Variants in PPP6R2 observed in about 807,000 individuals in gnomAD.
PPP6R2 encodes protein phosphatase 6 regulatory subunit 2, also known as serine/threonine-protein phosphatase 6 regulatory subunit 2.
In PPP6R2, 62 loss-of-function variants were observed where a neutral mutation model predicts 100.2. That is an observed-to-expected ratio of 0.62 (90% CI 0.50 to 0.76). The LOEUF (loss-of-function observed/expected upper bound fraction) is 0.76, where lower values mean the gene tolerates loss of function less well. PPP6R2 is among the 30% of genes least tolerant of loss of function. The probability of loss-of-function intolerance (pLI) is 0.00; values close to 1 mark genes in which losing one functional copy is unlikely to be tolerated. For missense variants in PPP6R2, 1,142 were observed against 1,276.3 expected, an observed-to-expected ratio of 0.89 and a Z score of 1.60; for synonymous variants, 525 against 514.7, an observed-to-expected ratio of 1.02 and a Z score of -0.27.
intron 1 of PPP6R2, among the ~76,000 whole-genome samples, chr22:50,366,245 C>T (rs1451729950): frequency 2.0e-5 from 3 of 151,716 alleles, no homozygotes; most frequent in African/African-American, 7.3e-5. Flanking sequence ...TTGTGAATTA[C>T]AAGGTTTTCC....
rs761016476 is a variant in PPP6R2, at chr22:50,439,985, C to G, written c.2310C>G (p.Ser770Arg). The G allele has an allele frequency of 6.2e-7, 1 of 1,613,610 alleles. No homozygotes were observed. The highest frequency in any genetic ancestry group is 8.5e-7 in the Non-Finnish European group (1 of 1,179,952). The change falls in exon 21 of 24, where the codon AGC becomes AGG. Residue 770 changes from serine (S) to arginine (R), a missense_variant. Ser to Arg is a moderately radical substitution (Grantham distance 110). Transcript: ENST00000612753. ...FCCSESGPRC[S>R]SPVDTECSHA... ...GCTCCGAGTCAGGGCCCAGGTGCAGCTCTCCGGTGGACACAGAATGCAGCC... is the reference window on the plus strand; with the variant it reads ...GCTCCGAGTCAGGGCCCAGGTGCAGGTCTCCGGTGGACACAGAATGCAGCC...
chr22:50,412,177 C>CA (rs1184447968), intron 4 of PPP6R2, among the ~76,000 whole-genome samples: 2 of 151,270 alleles, frequency 1.3e-5, no homozygotes, highest in South Asian at 2.1e-4. Context: ...ATTATGGGCT[C>CA]AAAAAAAATA....
In PPP6R2 at chr22:50,438,391, G is replaced by T. The variant is rs973664995; in HGVS notation, c.1964+93G>T. The T allele has an allele frequency of 1.8e-4, 280 of 1,540,796 alleles. 1 individual carries two copies. The highest frequency in any genetic ancestry group is 2.4e-4 in the Non-Finnish European group (269 of 1,143,966). On this transcript the variant is annotated intron_variant, in intron 18 of 23. Transcript: ENST00000612753. ...CGCCCTGTGGTTCGTTAGCTGGCTTGCAGAGCAGCCACACCTGTCCTGCCA... is the reference window on the plus strand; with the variant it reads ...CGCCCTGTGGTTCGTTAGCTGGCTTTCAGAGCAGCCACACCTGTCCTGCCA...
intron 2 of PPP6R2, among the ~76,000 whole-genome samples, chr22:50,377,369 C>A (rs527892306): frequency 6.6e-6 from 1 of 152,170 alleles, no homozygotes; most frequent in East Asian, 1.9e-4. Flanking sequence ...GTGGGAAGAT[C>A]ACTCGAGCCC....
intron 2 of PPP6R2, among the ~76,000 whole-genome samples, chr22:50,376,380 AG>A (rs1187953743): frequency 6.6e-6 from 1 of 152,134 alleles, no homozygotes; most frequent in Non-Finnish European, 1.5e-5. Context: ...CAAAGACTTC[AG>A]GTATTGGAAT....
Position 50,444,099 on chromosome 22 carries a change from G to A in PPP6R2, c.2813G>A (p.Gly938Glu), listed in dbSNP as rs1353453935. The change falls in exon 23 of 24, where the codon GGG (glycine) becomes GAG (glutamate). Residue 938 changes from glycine (G) to glutamate (E), a missense_variant. By Grantham distance (98) the Gly-to-Glu change is moderately conservative. Around this residue, in one of 2 missense-constraint regions of PPP6R2, gnomAD observed 550 missense variants for 517.4 expected, o/e 1.06. Transcript: ENST00000612753. ...TAAPAMVATL[G>E]TVTKDGKTDA... ...GCCCCAGCCATGGTGGCCACCCTGG[G>A]GACAGTGACAAAGGACGGGTGAGCA... 7 of 1,612,674 alleles carry A rather than the reference G, an allele frequency of 4.3e-6. No individual in the cohort carries two copies. Among genetic ancestry groups the A allele is most frequent in the Non-Finnish European group, 5.9e-6 (7 of 1,179,194 alleles).
Position 50,363,686 on chromosome 22 carries a change from C to G in PPP6R2, c.-147-8334C>G, listed in dbSNP as rs552340184. ...TCTCTCCTGCTTCTGCTCTTACGGA[C>G]GGACCTGGAGTCCTACTAGAGCTGG... is the stretch of plus-strand genomic sequence containing the variant. On this transcript the variant is annotated intron_variant, in intron 1 of 23. Transcript: ENST00000612753. 4.6e-5 allele frequency among the ~76,000 whole-genome samples: 7 copies of G among 152,328 alleles called. No homozygotes were observed. The South Asian group carries it at 6.2e-4, about 14-fold the overall frequency.
intron 10 of PPP6R2, among the ~76,000 whole-genome samples, chr22:50,425,782 T>C (rs1393200600): frequency 6.6e-6 from 1 of 152,198 alleles, no homozygotes; most frequent in Non-Finnish European, 1.5e-5. Context: ...TGACAAGTGA[T>C]GTCGAGCATC....
rs1230614127 is a variant in PPP6R2, at chr22:50,423,624, C to T, written c.1125+10C>T. The T allele has an allele frequency of 1.2e-6, 2 of 1,613,930 alleles. No individual in the cohort carries two copies. Among genetic ancestry groups the T allele is most frequent in the Non-Finnish European group, 1.7e-6 (2 of 1,179,964 alleles). On this transcript the variant is annotated intron_variant, in intron 10 of 23. Transcript: ENST00000612753. This position sits in a 1 kb window ranked among gnomAD's most constrained non-coding sequence, Gnocchi z 4.8. ...GATGGACTTACTGCTGGTAAGTGGG[C>T]CCCTCAGCCAGCCCTGCATGTCTGT...
intron 22 of PPP6R2, among the ~76,000 whole-genome samples, chr22:50,441,669 CAA>C (rs35273976): frequency 0.29 from 44,514 of 151,956 alleles, 7,311 homozygotes; most frequent in East Asian, 0.66. Context: ...CTTGAGCCCC[CAA>C]GAGCCATCCC....
At chr22:50,340,221 T>A (rs890936884), upstream of PPP6R2, among the ~76,000 whole-genome samples, 1 of 80,872 alleles carries the variant, frequency 1.2e-5, no homozygotes, top group Non-Finnish European at 2.8e-5. Flanking sequence ...TGGTATGTGG[T>A]GTGTATGGTA....
At chr22:50,338,480 T>TGG (rs1405354526), upstream of PPP6R2, among the ~76,000 whole-genome samples, 1 of 107,348 alleles carries the variant, frequency 9.3e-6, no homozygotes. Flanking sequence ...TATGTGTGTG[T>TGG]TATGTAGTGT....
At chr22:50,380,265 G>A (rs2052572372) in intron 2 of PPP6R2, among the ~76,000 whole-genome samples, 1 of 151,720 alleles carries the variant, frequency 6.6e-6, no homozygotes, top group African/African-American at 2.4e-5. Context: ...TAGAGATGGG[G>A]TTTTACCGTG....
At chr22:50,333,315 A>G in the PPP6R2 span, among the ~76,000 whole-genome samples, 1 of 151,432 alleles carries the variant, frequency 6.6e-6, no homozygotes, top group Non-Finnish European at 1.5e-5. Context: ...CACGTAGTGT[A>G]AGTCCTCCAG....
At chr22:50,397,604 T>G (rs1235065444) in intron 3 of PPP6R2, among the ~76,000 whole-genome samples, 22 of 131,370 alleles carry the variant, frequency 1.7e-4, no homozygotes, top group Admixed American at 3.6e-4. Context: ...GGAGTGTGAC[T>G]TGGGATGGGG....
rs146207636 is a variant in PPP6R2 at position 50,443,894 on chromosome 22, A to C, written c.2608A>C (p.Ser870Arg). 1.6e-4 allele frequency: 256 copies of C among 1,587,766 alleles called. 1 individual carries two copies. The African/African-American group carries it at 2.7e-3, about 16-fold the overall frequency. ...RVGCADSRLL[S>R]PACPAPKEVT... ...CGGGTGTGCTGACAGCCGGCTGTTA[A>C]GCCCTGCCTGCCCCGCGCCAAAGGA... The change falls in exon 23 of 24, where the codon AGC becomes CGC. Residue 870 changes from serine (S) to arginine (R), a missense_variant. This residue lies in a region of PPP6R2 where 550 missense variants were observed against 517.4 expected (regional missense o/e 1.06). Transcript: ENST00000612753.
chr22:50,360,558 C>G (rs1386870945), intron 1 of PPP6R2, among the ~76,000 whole-genome samples: 1 of 152,116 alleles, frequency 6.6e-6, no homozygotes, highest in Non-Finnish European at 1.5e-5. Flanking sequence ...GAGATGGGGT[C>G]TCTCTGTGTT....
rs13057311 is a variant in PPP6R2, at chr22:50,439,767, G to A, written c.2195G>A (p.Arg732Lys). The A allele has an allele frequency of 0.26, 416,467 of 1,613,196 alleles. 55,593 individuals carry two copies. Among genetic ancestry groups the A allele is most frequent in the Middle Eastern group, 0.3 (1,815 of 6,036 alleles). The change falls in exon 20 of 24, where the codon AGG becomes AAG. Residue 732 changes from arginine to lysine, a missense_variant. By Grantham distance (26) the Arg-to-Lys change is conservative (BLOSUM62 2). Coordinates refer to ENST00000612753, the MANE Select transcript of PPP6R2 (RefSeq NM_001242898.2). ...NSTPTAPGVV[R>K]DVGSSVWAAG... The stretch of plus-strand genomic sequence containing the variant: ...ACGCCCACAGCCCCAGGAGTGGTGA[G>A]GGACGTGGGTTCCAGTGTGTGGGCA...
chr22:50,436,463 T>C lies in PPP6R2; in HGVS notation c.1602+11T>C. The stretch of plus-strand genomic sequence containing the variant: ...AACACTGTGGACCTGGTGAGGAGGC[T>C]CGGGGCTGCCCCCTCGGTGCACGCA... On this transcript the variant is annotated intron_variant, in intron 14 of 23. Transcript: ENST00000612753. The C allele has an allele frequency of 6.3e-7, 1 of 1,578,024 alleles. No individual in the cohort carries two copies. The highest frequency in any genetic ancestry group is 8.6e-7 in the Non-Finnish European group (1 of 1,162,690).
Sources: allele counts gnomAD v4.1 joint callset (sites outside exome capture counted in the v4.1 genomes callset), GRCh38; gene constraint gnomAD v4.1.1; regional missense constraint gnomAD v4.1.1; non-coding constraint Gnocchi (gnomAD v3.1); transcripts MANE v1.5; gene names NCBI Gene and HGNC (gene_info 2026-07-23, HGNC 2026-07-21).